DAPK1: variants seen among roughly 807,000 people sequenced by gnomAD.
DAPK1 encodes death-associated protein kinase 1.
Under a neutral mutation model 144.9 loss-of-function variants are expected in DAPK1, and 56 were observed. The observed-to-expected ratio is 0.39, with a 90% CI of 0.31 to 0.48. The LOEUF (loss-of-function observed/expected upper bound fraction) is 0.48. Ranked by LOEUF, DAPK1 falls within the 20% of genes least tolerant of loss-of-function variation. The pLI is 0.95. For synonymous variants in DAPK1, 690 were observed against 749.0 expected (o/e 0.92, Z 1.29); for missense variants, 1,454 against 1,875.4 (o/e 0.78, Z 4.15).
At chr9:87,692,476 G>C (rs1825095101) in intron 21 of DAPK1, among the ~76,000 whole-genome samples, 1 of 152,004 alleles carries the variant, frequency 6.6e-6, no homozygotes, top group Non-Finnish European at 1.5e-5. Flanking sequence ...ATACATTCAA[G>C]GTTATTGTTA....
At chr9:87,540,892 T>C (rs951707484) in intron 2 of DAPK1, among the ~76,000 whole-genome samples, 11 of 152,190 alleles carry the variant, frequency 7.2e-5, no homozygotes, top group Non-Finnish European at 1.5e-4. Flanking sequence ...CAAACTGTTT[T>C]CTCTTTCCCC....
At chr9:87,681,865 C>T in intron 20 of DAPK1, 1 of 571,150 alleles carries the variant, frequency 1.8e-6, no homozygotes. Context: ...ATCACAGCCA[C>T]AGACACAAAG....
intron 2 of DAPK1, among the ~76,000 whole-genome samples, chr9:87,560,490 T>TC (rs1826871080): frequency 6.6e-6 from 1 of 151,974 alleles, no homozygotes; most frequent in Admixed American, 6.6e-5. Context: ...AAACACAAAC[T>TC]CCCCCTTCCC....
At chr9:87,551,170 C>A (rs562642240) in intron 2 of DAPK1, among the ~76,000 whole-genome samples, 1 of 149,780 alleles carries the variant, frequency 6.7e-6, no homozygotes, top group African/African-American at 2.5e-5. Context: ...TTTTTTGAGG[C>A]GGAGTCTCGC....
intron 10 of DAPK1, 27 bp from the exon 11 acceptor site, chr9:87,643,347 CTT>C (rs10650070): frequency 0.022 from 21,735 of 984,202 alleles, no homozygotes; most frequent in Admixed American, 0.032. Context: ...CCCGCCCTCC[CTT>C]TTTTTTTTTT....
intron 21 of DAPK1, among the ~76,000 whole-genome samples, chr9:87,691,998 C>T (rs569987270): frequency 6.6e-6 from 1 of 152,216 alleles, no homozygotes; most frequent in Admixed American, 6.5e-5. Context: ...GTTAGGTCCA[C>T]TTGGTCTAAC....
intron 3 of DAPK1, among the ~76,000 whole-genome samples, chr9:87,614,046 C>T (rs1829014682): frequency 6.6e-6 from 1 of 152,198 alleles, no homozygotes; most frequent in Non-Finnish European, 1.5e-5. Context: ...CAAAGCAGAG[C>T]TAAATCATGT....
intron 19 of DAPK1, among the ~76,000 whole-genome samples, chr9:87,673,988 T>A (rs919553199): frequency 1.3e-5 from 2 of 152,202 alleles, no homozygotes; most frequent in African/African-American, 2.4e-5. Flanking sequence ...ACTGTGTTGT[T>A]GCTCAGCCAA....
In DAPK1 at chr9:87,497,904, C is replaced by T. The variant is rs995428196; in HGVS notation, c.-312C>T. ...GAGGAGGACAGCCGGACCGAGCCAA[C>T]GCCGGGGACTTTGTTCCCTCCGCGG... On this transcript the variant is annotated 5_prime_UTR_variant, in exon 1 of 26. In the 5' UTR this introduces an upstream ATG that the reference lacks. Transcript: ENST00000408954. The T allele has an allele frequency of 2.5e-6, 1 of 395,074 alleles. No individual in the cohort carries two copies. The highest frequency in any genetic ancestry group is 4.5e-6 in the Non-Finnish European group (1 of 224,254). 24.5% of individuals were successfully genotyped at this position (395,074 alleles called of 1,614,324 possible).
intron 21 of DAPK1, among the ~76,000 whole-genome samples, chr9:87,687,552 T>G (rs1824907056): frequency 6.6e-6 from 1 of 152,236 alleles, no homozygotes; most frequent in East Asian, 1.9e-4. Flanking sequence ...TGATGGACAC[T>G]TAGGTCAATT....
At chr9:87,595,878 G>A (rs969376750) in intron 2 of DAPK1, among the ~76,000 whole-genome samples, 1 of 152,150 alleles carries the variant, frequency 6.6e-6, no homozygotes, top group African/African-American at 2.4e-5. Context: ...GTGGCAACCT[G>A]AGCTGCTTGC....
rs370890284 is a variant in DAPK1, at chr9:87,706,234, C to T, written c.3163C>T (p.Arg1055Trp). ...LGKLLSVETP[R>W]ALHHYRGRYT... ...GAAGTTGCTGTCCGTGGAGACCCCACGGGCGCTGCACCACTACCGGGGCCG... is the reference window on the plus strand; with the variant it reads ...GAAGTTGCTGTCCGTGGAGACCCCATGGGCGCTGCACCACTACCGGGGCCG... The change falls in exon 26 of 26, where the codon CGG (arginine) becomes TGG (tryptophan). Residue 1055 changes from arginine (R) to tryptophan (W), a missense_variant. By Grantham distance (101) the Arg-to-Trp change is moderately radical. This residue lies in a region of DAPK1 where 1,025 missense variants were observed against 1,237.9 expected (regional missense o/e 0.83). Transcript: ENST00000408954. The surrounding 1 kb of genome is among the most constrained non-coding windows in gnomAD (Gnocchi z 9.0). 1.6e-5 allele frequency: 26 copies of T among 1,613,606 alleles called. No homozygotes were observed. The African/African-American group carries it at 2.3e-4, about 14-fold the overall frequency.
At chr9:87,663,652 G>A (rs1830942415) in intron 18 of DAPK1, among the ~76,000 whole-genome samples, 1 of 151,826 alleles carries the variant, frequency 6.6e-6, no homozygotes, top group Non-Finnish European at 1.5e-5. Context: ...CATCCCCCTG[G>A]CCCTCTCTGG....
At chr9:87,545,235 C>T (rs958147784) in intron 2 of DAPK1, among the ~76,000 whole-genome samples, 3 of 152,186 alleles carry the variant, frequency 2.0e-5, no homozygotes, top group Non-Finnish European at 4.4e-5. Flanking sequence ...CCTTGCAAAC[C>T]AGGCTCCCGG....
intron 19 of DAPK1, among the ~76,000 whole-genome samples, chr9:87,678,793 G>A (rs1484633554): frequency 6.6e-6 from 1 of 152,156 alleles, no homozygotes; most frequent in Admixed American, 6.6e-5. Context: ...CCAGCGTCTG[G>A]CTGCAGGAAT....
At position 87,521,446 on chromosome 9, in the gene DAPK1, G is replaced by A. The variant is rs71508561; in HGVS notation, c.62+22307G>A. ...ATGGATGAATGAGGTTTCAAAGCTG[G>A]GACCAGGAGCCAGTCCATGGGACTC... On this transcript the variant is annotated intron_variant, in intron 2 of 25. Transcript: ENST00000408954. Among the ~76,000 whole-genome samples the A allele has an allele frequency of 4.0e-3, 614 of 152,294 alleles. 1 individual carries two copies. The highest frequency in any genetic ancestry group is 7.4e-3 in the Non-Finnish European group (504 of 68,024).
At chr9:87,501,389 A>T (rs28393865) in intron 2 of DAPK1, among the ~76,000 whole-genome samples, 2,227 of 152,282 alleles carry the variant, frequency 0.015, 50 homozygotes, top group African/African-American at 0.051. Context: ...AAGATTTAAG[A>T]CTTTAATTGG....
chr9:87,561,354 G>A (rs1391859264), intron 2 of DAPK1, among the ~76,000 whole-genome samples: 3 of 152,022 alleles, frequency 2.0e-5, no homozygotes, highest in Non-Finnish European at 4.4e-5. Flanking sequence ...GTGAAACCTC[G>A]TCTCTCCTAA....
At chr9:87,649,770 A>G (rs1821511128) in intron 15 of DAPK1, 151 bp from the exon 16 acceptor site, 2 of 726,218 alleles carry the variant, frequency 2.8e-6, no homozygotes, top group Non-Finnish European at 4.9e-6. Context: ...ATTTTATTCC[A>G]GATTAATATT....
Sources: allele counts gnomAD v4.1 joint callset (sites outside exome capture counted in the v4.1 genomes callset), GRCh38; gene constraint gnomAD v4.1.1; regional missense constraint gnomAD v4.1.1; non-coding constraint Gnocchi (gnomAD v3.1); transcripts MANE v1.5; gene names NCBI Gene and HGNC (gene_info 2026-07-23, HGNC 2026-07-21).